POLR2F: variants seen among roughly 807,000 people sequenced by gnomAD.
The protein encoded by POLR2F is DNA-directed RNA polymerases I, II, and III subunit RPABC2.
A neutral mutation model predicts 22.7 loss-of-function variants in POLR2F; 12 were observed. That is an observed-to-expected ratio of 0.53 (90% CI 0.34 to 0.86). The LOEUF (loss-of-function observed/expected upper bound fraction) is 0.86, where lower values mean the gene tolerates loss of function less well. Ranked by LOEUF, POLR2F falls within the 40% of genes least tolerant of loss-of-function variation. The probability of loss-of-function intolerance (pLI) is 0.02; values close to 1 mark genes in which losing one functional copy is unlikely to be tolerated. For missense variants in POLR2F, 126 were observed against 171.5 expected (o/e 0.73, Z 1.48); for synonymous variants, 57 against 66.0 (o/e 0.86, Z 0.66).
chr22:37,985,543 C>G (rs1007266720), upstream of POLR2F, among the ~76,000 whole-genome samples: 1 of 152,216 alleles, frequency 6.6e-6, no homozygotes, highest in Admixed American at 6.5e-5. Context: ...AGGGCAGCCC[C>G]GCCGGGGTGT....
At chr22:37,966,863 C>T (rs1317309736) in intron 3 of POLR2F, among the ~76,000 whole-genome samples, 1 of 152,228 alleles carries the variant, frequency 6.6e-6, no homozygotes, top group East Asian at 1.9e-4. Context: ...TGCCTTTGCA[C>T]ATGTCTCCCT....
chr22:37,986,226 G>T lies in POLR2F; in HGVS notation c.36G>T (p.Leu12=), dbSNP rs1229878210. 6.5e-7 allele frequency: 1 copy of T among 1,541,682 alleles called. No homozygotes were observed. The change falls in exon 1 of 3, where the codon CTG becomes CTT. Residue 12 remains leucine (L), a synonymous_variant. Coordinates refer to the POLR2F transcript ENST00000333418. The surrounding 1 kb of genome is among the most constrained non-coding windows in gnomAD (Gnocchi z 4.7). The stretch of plus-strand genomic sequence containing the variant: ...ACAGAGGGACGAGGGACGAGCATCT[G>T]CCGTCGTGTCCCGGCTGCCCTGCAG...
chr22:38,033,979 G>A (rs534339843), intron 5 of POLR2F, among the ~76,000 whole-genome samples: 3 of 152,226 alleles, frequency 2.0e-5, no homozygotes, highest in East Asian at 3.9e-4. Flanking sequence ...TGTGACCGCC[G>A]CTGACCCCTA....
At chr22:37,989,812 G>T (rs1932684887) in intron 1 of POLR2F, among the ~76,000 whole-genome samples, 1 of 152,148 alleles carries the variant, frequency 6.6e-6, no homozygotes, top group Non-Finnish European at 1.5e-5. Flanking sequence ...CTGCAGGTTG[G>T]CCTGCTCCTG....
rs151149461 is a variant in POLR2F at position 38,016,004 on chromosome 22, C to A, written c.121-9865C>A. ...GCTCAAGCATCCACCCCTCCTGGAA[C>A]TCTCCCCCGATGGTCTTCCCTACTC... On this transcript the variant is annotated intron_variant, in intron 1 of 2. Coordinates refer to the POLR2F transcript ENST00000333418. The surrounding 1 kb of genome is among the most constrained non-coding windows in gnomAD (Gnocchi z 4.4). Among the ~76,000 whole-genome samples, 28 of 152,180 alleles carry A rather than the reference C, an allele frequency of 1.8e-4. No individual in the cohort carries two copies. Among genetic ancestry groups the A allele is most frequent in the Non-Finnish European group, 2.1e-4 (14 of 68,004 alleles).
At chr22:38,018,541 C>T (rs2084933779) in intron 1 of POLR2F, among the ~76,000 whole-genome samples, 1 of 152,166 alleles carries the variant, frequency 6.6e-6, no homozygotes. Flanking sequence ...TCACCGAATT[C>T]TGATGGACAA....
rs987833076 is a variant in POLR2F, at chr22:37,953,736, C to T, written c.-52C>T. ...GCGCGAGTCGTAGTGTCGCTGTTTGCGGGTCTCCGCGCGGGACCGGGGCGC... is the reference window on the plus strand; with the variant it reads ...GCGCGAGTCGTAGTGTCGCTGTTTGTGGGTCTCCGCGCGGGACCGGGGCGC... On this transcript the variant is annotated 5_prime_UTR_variant, in exon 1 of 5. Coordinates refer to ENST00000442738, the MANE Select transcript of POLR2F (RefSeq NM_021974.5). The T allele has an allele frequency of 1.3e-5, 21 of 1,589,522 alleles. No individual in the cohort carries two copies. The East Asian group carries it at 3.8e-4, about 29-fold the overall frequency.
chr22:38,040,542 A>G, intron 5 of POLR2F: 1 of 157,626 alleles, frequency 6.3e-6, no homozygotes, highest in Non-Finnish European at 1.4e-5. Context: ...GTAGGATTTC[A>G]AGGGAGTCAG....
intron 1 of POLR2F, among the ~76,000 whole-genome samples, chr22:37,990,738 G>A (rs374242076): frequency 1.3e-5 from 2 of 152,368 alleles, no homozygotes; most frequent in South Asian, 4.1e-4. Flanking sequence ...TGTTGCCTTG[G>A]CAACCTTCTT....
chr22:38,028,631 CTTGG>C (rs370898922), downstream of POLR2F, among the ~76,000 whole-genome samples: 3,237 of 152,094 alleles, frequency 0.021, 115 homozygotes, highest in African/African-American at 0.075. Context: ...TCTGGGTGTG[CTTGG>C]GAGATAGAGA....
chr22:37,994,583 A>G (rs1256554048), intron 1 of POLR2F, among the ~76,000 whole-genome samples: 2 of 151,962 alleles, frequency 1.3e-5, no homozygotes, highest in Non-Finnish European at 2.9e-5. Flanking sequence ...CAGTGGAGTG[A>G]TCTCGGCTTA....
upstream of POLR2F, chr22:37,953,687 C>G: frequency 7.0e-7 from 1 of 1,420,754 alleles, no homozygotes; most frequent in Non-Finnish European, 9.6e-7. Flanking sequence ...GGTTACGGCG[C>G]AGGCGCAAGA....
chr22:37,987,272 C>T, intron 1 of POLR2F: 1 of 456,722 alleles, frequency 2.2e-6, no homozygotes, highest in South Asian at 1.5e-5. Flanking sequence ...GGGACTCAGC[C>T]TGGCTTTTGT....
At chr22:37,989,101 G>T (rs1253060600) in intron 1 of POLR2F, among the ~76,000 whole-genome samples, 1 of 152,134 alleles carries the variant, frequency 6.6e-6, no homozygotes, top group South Asian at 2.1e-4. Flanking sequence ...GTCATCCTCA[G>T]TCTCGGATGT....
chr22:38,024,832 G>A lies in POLR2F; in HGVS notation c.121-1037G>A, dbSNP rs73417876. ...TCTGCCTGCTCCTACAGTGTAGGCA[G>A]GACCCTGGAGGGGTCGTGCAGGGTG... On this transcript the variant is annotated intron_variant, in intron 1 of 2. Coordinates refer to the POLR2F transcript ENST00000333418. 9.7e-3 allele frequency among the ~76,000 whole-genome samples: 1,478 copies of A among 152,180 alleles called. 30 individuals carry two copies. Among genetic ancestry groups the A allele is most frequent in the African/African-American group, 0.034 (1,411 of 41,508 alleles).
intron 4 of POLR2F, among the ~76,000 whole-genome samples, chr22:37,976,772 AG>A (rs1386998499): frequency 6.6e-6 from 1 of 152,226 alleles, no homozygotes; most frequent in Non-Finnish European, 1.5e-5. Context: ...ACTAGCACCT[AG>A]CACAGTGCCT....
intron 1 of POLR2F, among the ~76,000 whole-genome samples, chr22:37,993,526 G>A (rs1357648123): frequency 6.6e-6 from 1 of 152,198 alleles, no homozygotes; most frequent in Non-Finnish European, 1.5e-5. Context: ...GATGTCACTT[G>A]TTAATGAAAA....
intron 1 of POLR2F, among the ~76,000 whole-genome samples, chr22:38,012,301 C>G (rs192371832): frequency 3.3e-5 from 5 of 152,064 alleles, no homozygotes; most frequent in African/African-American, 7.2e-5. Flanking sequence ...AGGCTGGTCT[C>G]GAACTCCTGG....
intron 1 of POLR2F, among the ~76,000 whole-genome samples, chr22:38,024,656 G>A (rs2084991358): frequency 6.6e-6 from 1 of 152,146 alleles, no homozygotes; most frequent in Non-Finnish European, 1.5e-5. Flanking sequence ...CCAGGTCTGG[G>A]AGGTGGGGGT....
Sources: gnomAD v4.1 joint callset for allele counts (sites outside exome capture counted in the v4.1 genomes callset) on GRCh38, gnomAD v4.1.1 for gene constraint, Gnocchi (gnomAD v3.1) non-coding constraint, MANE v1.5 for transcripts, NCBI Gene and HGNC (gene_info 2026-07-23, HGNC 2026-07-21) for gene names.